SLC2A1: variants seen among roughly 807,000 people sequenced by gnomAD.
SLC2A1 encodes solute carrier family 2, facilitated glucose transporter member 1.
SLC2A1 carries 4 observed loss-of-function variants against 46.6 expected under a neutral mutation model. The ratio of observed to expected loss-of-function variants is 0.09; its 90% CI spans 0.04 to 0.20. The LOEUF (loss-of-function observed/expected upper bound fraction) is 0.20, where lower values mean the gene tolerates loss of function less well. Among genes scored for constraint, SLC2A1 ranks in the 10% least tolerant of loss-of-function variants. SLC2A1 has a pLI of 1.00. For missense variants in SLC2A1, 352 were observed against 667.0 expected (o/e 0.53, Z 5.20); for synonymous variants, 253 against 270.0 (o/e 0.94, Z 0.62).
chr1:42,926,768 C>CA lies in SLC2A1; in HGVS notation c.*272dup, dbSNP rs1385887500. 1 of 1,426,764 alleles carries CA rather than the reference C, an allele frequency of 7.0e-7. No individual in the cohort carries two copies. Among genetic ancestry groups the CA allele is most frequent in the Admixed American group, 2.3e-5 (1 of 43,308 alleles). 88.4% of individuals were successfully genotyped at this position (1,426,764 alleles called of 1,614,324 possible). ...GCCTGGGATGTGGGCACAGGAGACTCAGGCTGATATAAAAATAACAAAATC... is the reference window on the plus strand; with the variant it reads ...GCCTGGGATGTGGGCACAGGAGACTCAAGGCTGATATAAAAATAACAAAATC... On this transcript the variant is annotated 3_prime_UTR_variant, in exon 10 of 10. Coordinates refer to ENST00000426263, the MANE Select transcript of SLC2A1 (RefSeq NM_006516.4).
At position 42,954,587 on chromosome 1, in the gene SLC2A1, C is replaced by T. The variant is rs1187526054; in HGVS notation, c.18+4047G>A. On this transcript the variant is annotated intron_variant, in intron 1 of 9. Coordinates refer to ENST00000426263, the MANE Select transcript of SLC2A1 (RefSeq NM_006516.4). This position sits in a 1 kb window ranked among gnomAD's most constrained non-coding sequence, Gnocchi z 4.2. ...CAAATCTTTTGTGATAGCCTTATCT[C>T]GGACAAATCTCTTCCCTTCTCTGGA... 6.6e-6 allele frequency among the ~76,000 whole-genome samples: 1 copy of T among 152,276 alleles called. No homozygotes were observed. The highest frequency in any genetic ancestry group is 1.5e-5 in the Non-Finnish European group (1 of 68,014).
intron 2 of SLC2A1, among the ~76,000 whole-genome samples, chr1:42,940,021 G>A (rs1161986886): frequency 6.7e-6 from 1 of 148,260 alleles, no homozygotes; most frequent in Non-Finnish European, 1.5e-5. Context: ...CTTCTGCTCC[G>A]ACACCACCCT....
intron 1 of SLC2A1, among the ~76,000 whole-genome samples, chr1:42,948,835 C>T (rs562859500): frequency 1.3e-5 from 2 of 151,946 alleles, no homozygotes; most frequent in Middle Eastern, 3.4e-3. Flanking sequence ...GGAGGCAAGG[C>T]GGGCAGATCA....
chr1:42,943,282 C>T lies in SLC2A1; in HGVS notation c.58G>A (p.Val20Met). 2 of 1,614,046 alleles carry T rather than the reference C, an allele frequency of 1.2e-6. No homozygotes were observed. Among genetic ancestry groups the T allele is most frequent in the Non-Finnish European group, 8.5e-7 (1 of 1,179,970 alleles). ...TAGCCAAACTGCAGGGAGCCAAGCA[C>T]TGCTCCTCCCACGGCCAGCATGAGG... Reference protein sequence around the residue: ...GRLMLAVGGAVLGSLQFGYNT... With the variant: ...GRLMLAVGGAMLGSLQFGYNT... The change falls in exon 2 of 10, where the codon GTG (valine) becomes ATG (methionine). Residue 20 changes from valine (V) to methionine (M), a missense_variant. By Grantham distance (21) the Val-to-Met change is conservative. This residue lies in a region of SLC2A1 where 97 missense variants were observed against 175.6 expected (regional missense o/e 0.55). Coordinates refer to ENST00000426263, the MANE Select transcript of SLC2A1 (RefSeq NM_006516.4).
chr1:42,926,940 G>T lies in SLC2A1; in HGVS notation c.*101C>A. ...GAGAAAGGAGCCCCAGGCCCGGCTC[G>T]GCTGACATCTGTCAGGTTTGGAAGT... On this transcript the variant is annotated 3_prime_UTR_variant, in exon 10 of 10. Transcript: ENST00000426263. 6.5e-7 allele frequency: 1 copy of T among 1,548,452 alleles called. No individual in the cohort carries two copies.
In SLC2A1 at chr1:42,926,527, C is replaced by A. The variant is rs886046339; in HGVS notation, c.*514G>T. 5 of 317,062 alleles carry A rather than the reference C, an allele frequency of 1.6e-5. No individual in the cohort carries two copies. The highest frequency in any genetic ancestry group is 4.3e-5 in the African/African-American group (2 of 46,214). 19.6% of individuals were successfully genotyped at this position (317,062 alleles called of 1,614,324 possible). On this transcript the variant is annotated 3_prime_UTR_variant, in exon 10 of 10. Transcript: ENST00000426263. The stretch of plus-strand genomic sequence containing the variant: ...TTGGGTAGGAAGAGATGGGAAGGGG[C>A]AAATCCTAATGGAGCCTGACCCCTA...
rs1643416825 is a variant in SLC2A1 at position 42,925,599 on chromosome 1, G to T, written c.*1442C>A. The T allele has an allele frequency of 2.6e-5, 4 of 152,260 alleles. No individual in the cohort carries two copies. The highest frequency in any genetic ancestry group is 2.6e-4 in the Admixed American group (4 of 15,286). The allele number at this position is 152,260 out of a possible 1,614,324, so 9.4% of individuals were successfully genotyped here. A position where few individuals can be genotyped will look rare whatever the true frequency, so the allele number is the denominator to read the frequency against. ...ATGAGCTGTCTTTAGAGATGAAGCA[G>T]TAGTATACAGAGGAACCAGAGGGGG... is the stretch of plus-strand genomic sequence containing the variant. On this transcript the variant is annotated 3_prime_UTR_variant, in exon 10 of 10. Transcript: ENST00000426263.
At chr1:42,949,928 C>A (rs1643703034) in intron 1 of SLC2A1, among the ~76,000 whole-genome samples, 1 of 152,142 alleles carries the variant, frequency 6.6e-6, no homozygotes, top group Non-Finnish European at 1.5e-5. Flanking sequence ...CTGAAGGAAA[C>A]AAGGTTTCTA....
In SLC2A1 at chr1:42,930,241, G is replaced by A; in HGVS notation, c.517-206C>T. 1 of 648,426 alleles carries A rather than the reference G, an allele frequency of 1.5e-6. No homozygotes were observed. The highest frequency in any genetic ancestry group is 2.7e-6 in the Non-Finnish European group (1 of 365,574). The allele number at this position is 648,426 out of a possible 1,614,324, so 40.2% of individuals were successfully genotyped here. A position where few individuals can be genotyped will look rare whatever the true frequency, so the allele number is the denominator to read the frequency against. On this transcript the variant is annotated intron_variant, in intron 4 of 9. Transcript: ENST00000426263. The surrounding 1 kb of genome is among the most constrained non-coding windows in gnomAD (Gnocchi z 6.2). ...AGGACCTACCCCACAGTGTTGCTGG[G>A]AGGACAAATGACAAGGCCACAGATG...
Position 42,929,048 on chromosome 1 carries a change from A to G in SLC2A1, c.973-15T>C, listed in dbSNP as rs781490273. ...ACCACAAACAGCTGTGGGCAGAGAC[A>G]GTGTCAGTGCCACCCCTGCCTAGTG... is the stretch of plus-strand genomic sequence containing the variant. On this transcript the variant is annotated splice_polypyrimidine_tract_variant and intron_variant, in intron 7 of 9. Coordinates refer to ENST00000426263, the MANE Select transcript of SLC2A1 (RefSeq NM_006516.4). The surrounding 1 kb of genome is among the most constrained non-coding windows in gnomAD (Gnocchi z 6.0). 4 of 1,611,748 alleles carry G rather than the reference A, an allele frequency of 2.5e-6. No individual in the cohort carries two copies. Among genetic ancestry groups the G allele is most frequent in the Non-Finnish European group, 3.4e-6 (4 of 1,178,864 alleles).
chr1:42,944,742 G>A (rs978828555), intron 1 of SLC2A1, among the ~76,000 whole-genome samples: 2 of 152,186 alleles, frequency 1.3e-5, no homozygotes, highest in Admixed American at 6.5e-5. Context: ...CTGTGTGTGC[G>A]CTGCATCCTT....
rs1353294402 is a variant in SLC2A1, at chr1:42,930,423, G to C, written c.516+203C>G. 1.0e-5 allele frequency: 8 copies of C among 770,440 alleles called. No homozygotes were observed. In the East Asian group the frequency reaches 1.6e-4, roughly 15 times the overall value. 47.7% of individuals were successfully genotyped at this position (770,440 alleles called of 1,614,324 possible). On this transcript the variant is annotated intron_variant, in intron 4 of 9. Transcript: ENST00000426263. The surrounding 1 kb of genome is among the most constrained non-coding windows in gnomAD (Gnocchi z 6.2). ...GTTGGAAGCCTAGAGTGAGAAGAAA[G>C]GGACTGAGAAGAGTCAAGTCATCTT...
chr1:42,936,576 C>T (rs933087092), intron 2 of SLC2A1, among the ~76,000 whole-genome samples: 3 of 152,120 alleles, frequency 2.0e-5, no homozygotes, highest in Admixed American at 2.0e-4. Flanking sequence ...GGCCCCAACC[C>T]CCCTGCAGAG....
Position 42,954,246 on chromosome 1 carries a change from C to T in SLC2A1, c.18+4388G>A, listed in dbSNP as rs150493169. On this transcript the variant is annotated intron_variant, in intron 1 of 9. Coordinates refer to ENST00000426263, the MANE Select transcript of SLC2A1 (RefSeq NM_006516.4). This position sits in a 1 kb window ranked among gnomAD's most constrained non-coding sequence, Gnocchi z 4.2. ...AAAAAAAACACAGCTAGGCCAGGCG[C>T]GGTGGCTCACACCTGTAATCCCAGC... 1.3e-4 allele frequency among the ~76,000 whole-genome samples: 20 copies of T among 151,992 alleles called. No homozygotes were observed. The highest frequency in any genetic ancestry group is 2.2e-4 in the Non-Finnish European group (15 of 67,994).
At chr1:42,955,730 G>C (rs755811584) in intron 1 of SLC2A1, among the ~76,000 whole-genome samples, 8 of 152,216 alleles carry the variant, frequency 5.3e-5, no homozygotes, top group Non-Finnish European at 1.0e-4. Flanking sequence ...GCATAGGCAA[G>C]GCTAGTTACA....
At chr1:42,955,783 C>T (rs1643765965) in intron 1 of SLC2A1, among the ~76,000 whole-genome samples, 3 of 152,198 alleles carry the variant, frequency 2.0e-5, no homozygotes, top group Admixed American at 6.5e-5. Flanking sequence ...GGGCAGGGCT[C>T]ACCCTTGCGT....
intron 2 of SLC2A1, among the ~76,000 whole-genome samples, chr1:42,937,930 G>A (rs1643558637): frequency 6.6e-6 from 1 of 152,172 alleles, no homozygotes; most frequent in Non-Finnish European, 1.5e-5. Context: ...GGGTCATCCT[G>A]GGCAGACCTC....
rs761283243 is a variant in SLC2A1, at chr1:42,930,906, C to T, written c.276-40G>A. 8 of 1,603,120 alleles carry T rather than the reference C, an allele frequency of 5.0e-6. No individual in the cohort carries two copies. In the Admixed American group the frequency reaches 1.3e-4, roughly 27 times the overall value. On this transcript the variant is annotated intron_variant, in intron 3 of 9. Transcript: ENST00000426263. This position sits in a 1 kb window ranked among gnomAD's most constrained non-coding sequence, Gnocchi z 6.2. Reference sequence around the variant, plus strand: ...ACAGGTCAGGCCAGTGCCCACATTCCTTGGGCTCCGAGGGGCTGGGTCAGA... The same window carrying T: ...ACAGGTCAGGCCAGTGCCCACATTCTTTGGGCTCCGAGGGGCTGGGTCAGA...
rs1163640315 is a variant in SLC2A1, at chr1:42,950,747, C to T, written c.19-7426G>A. Among the ~76,000 whole-genome samples, 5 of 152,164 alleles carry T rather than the reference C, an allele frequency of 3.3e-5. No individual in the cohort carries two copies. The South Asian group carries it at 1.0e-3, about 32-fold the overall frequency. On this transcript the variant is annotated intron_variant, in intron 1 of 9. Transcript: ENST00000426263. ...CAGCACTTTGGGAGGCTGAGGTGGG[C>T]GGATCACCTGAGGTCAGGAGTTCAA... is the stretch of plus-strand genomic sequence containing the variant.
Sources: gnomAD v4.1 joint callset for allele counts (sites outside exome capture counted in the v4.1 genomes callset) on GRCh38, gnomAD v4.1.1 for gene constraint, gnomAD v4.1.1 regional missense constraint, Gnocchi (gnomAD v3.1) non-coding constraint, MANE v1.5 for transcripts, NCBI Gene and HGNC (gene_info 2026-07-23, HGNC 2026-07-21) for gene names.